GRM7: variants seen among roughly 807,000 people sequenced by gnomAD.
The protein encoded by GRM7 is metabotropic glutamate receptor 7.
A neutral mutation model predicts 84.5 loss-of-function variants in GRM7; 35 were observed. The ratio of observed to expected loss-of-function variants is 0.41; its 90% CI spans 0.32 to 0.55. The LOEUF (loss-of-function observed/expected upper bound fraction) is 0.55, where lower values mean the gene tolerates loss of function less well. Among genes scored for constraint, GRM7 ranks in the 20% least tolerant of loss-of-function variants. The pLI, the probability that GRM7 is intolerant of heterozygous loss-of-function variation, is 0.19. For missense variants in GRM7, 1,003 were observed against 1,194.6 expected (o/e 0.84, Z 2.36); for synonymous variants, 487 against 455.1 (o/e 1.07, Z -0.89).
At chr3:7,525,057 T>C (rs1700738055) in intron 7 of GRM7, among the ~76,000 whole-genome samples, 1 of 150,910 alleles carries the variant, frequency 6.6e-6, no homozygotes, top group Non-Finnish European at 1.5e-5. Context: ...TAGATGGGAA[T>C]TGAACAATGA....
At chr3:7,158,451 C>G (rs1694522748) in intron 2 of GRM7, among the ~76,000 whole-genome samples, 1 of 152,098 alleles carries the variant, frequency 6.6e-6, no homozygotes, top group African/African-American at 2.4e-5. Context: ...GCCTGGTAAA[C>G]CCTCCCCTTA....
At chr3:7,171,121 T>A (rs538273078) in intron 2 of GRM7, among the ~76,000 whole-genome samples, 1 of 152,290 alleles carries the variant, frequency 6.6e-6, no homozygotes, top group Admixed American at 6.5e-5. Context: ...TGGACTCACA[T>A]TCCTGAAGTC....
intron 9 of GRM7, among the ~76,000 whole-genome samples, chr3:7,710,073 T>C (rs555804672): frequency 6.6e-6 from 1 of 152,286 alleles, no homozygotes; most frequent in East Asian, 1.9e-4. Flanking sequence ...GTACTATGCA[T>C]AAGTATGTAT....
At chr3:7,422,834 G>C (rs1405215936) in intron 5 of GRM7, among the ~76,000 whole-genome samples, 1 of 151,966 alleles carries the variant, frequency 6.6e-6, no homozygotes, top group Non-Finnish European at 1.5e-5. Flanking sequence ...AAACTACCAT[G>C]GTTAGAAAAT....
intron 7 of GRM7, among the ~76,000 whole-genome samples, chr3:7,519,006 G>T (rs1009603483): frequency 3.3e-5 from 5 of 152,134 alleles, no homozygotes; most frequent in African/African-American, 1.2e-4. Flanking sequence ...CACAAGAACT[G>T]TGACAATGAG....
chr3:7,488,635 A>G (rs1434003976), intron 7 of GRM7, among the ~76,000 whole-genome samples: 1 of 152,190 alleles, frequency 6.6e-6, no homozygotes, highest in East Asian at 1.9e-4. Context: ...CCAACAGGCA[A>G]GCAGATGCTG....
intron 8 of GRM7, among the ~76,000 whole-genome samples, chr3:7,634,666 C>T (rs766640387): frequency 1.3e-3 from 194 of 151,648 alleles, no homozygotes; most frequent in Non-Finnish European, 2.0e-3. Flanking sequence ...TGGCGGTGTG[C>T]GCCTGTAGTC....
chr3:7,207,341 G>T lies in GRM7; in HGVS notation c.736+60673G>T, dbSNP rs368453511. Among the ~76,000 whole-genome samples, 41 of 152,274 alleles carry T rather than the reference G, an allele frequency of 2.7e-4. No individual in the cohort carries two copies. In the East Asian group the frequency reaches 5.0e-3, roughly 19 times the overall value. ...CTTCTGCATCAGGAGCTTGCAAAGT[G>T]GCCCGGATGCCTCTCAAAAATGACT... On this transcript the variant is annotated intron_variant, in intron 2 of 9. Coordinates refer to ENST00000357716, the MANE Select transcript of GRM7 (RefSeq NM_000844.4).
At chr3:7,571,513 C>A (rs1694656528) in intron 7 of GRM7, among the ~76,000 whole-genome samples, 1 of 151,748 alleles carries the variant, frequency 6.6e-6, no homozygotes, top group Non-Finnish European at 1.5e-5. Flanking sequence ...GCTCCAGTTC[C>A]CAACAAGTTC....
chr3:6,898,479 G>GA lies in GRM7; in HGVS notation c.519+36574dup, dbSNP rs1696269713. 2.0e-5 allele frequency among the ~76,000 whole-genome samples: 3 copies of GA among 151,098 alleles called. No individual in the cohort carries two copies. In the South Asian group the frequency reaches 6.3e-4, roughly 32 times the overall value. On this transcript the variant is annotated intron_variant, in intron 1 of 9. Coordinates refer to ENST00000357716, the MANE Select transcript of GRM7 (RefSeq NM_000844.4). ...TTCTGTGTGTGACTGAGCAGAAATG[G>GA]AACAGGCAGAGGCTGGAAGTTAAGA...
chr3:7,468,547 G>T (rs192502841), intron 7 of GRM7, among the ~76,000 whole-genome samples: 8 of 152,066 alleles, frequency 5.3e-5, no homozygotes, highest in Non-Finnish European at 1.2e-4. Flanking sequence ...AATGTTAGCC[G>T]CAACAGCAAC....
At chr3:7,088,772 A>T (rs1474581759) in intron 1 of GRM7, among the ~76,000 whole-genome samples, 1 of 149,322 alleles carries the variant, frequency 6.7e-6, no homozygotes, top group East Asian at 2.0e-4. Flanking sequence ...CCACCTCTTG[A>T]CCCAAAGATT....
chr3:7,500,504 C>T (rs924222730), intron 7 of GRM7, among the ~76,000 whole-genome samples: 10 of 152,212 alleles, frequency 6.6e-5, no homozygotes, highest in African/African-American at 2.4e-4. Context: ...AGCATTGAAC[C>T]TGACCTTATC....
intron 4 of GRM7, among the ~76,000 whole-genome samples, chr3:7,312,011 A>T (rs1049287783): frequency 3.3e-5 from 5 of 152,150 alleles, no homozygotes; most frequent in Non-Finnish European, 5.9e-5. Flanking sequence ...CTCCTCTATC[A>T]TTAACCAATA....
chr3:7,135,063 T>C (rs1410001187), intron 1 of GRM7, among the ~76,000 whole-genome samples: 3 of 152,194 alleles, frequency 2.0e-5, no homozygotes, highest in Non-Finnish European at 2.9e-5. Flanking sequence ...CAATAATTGA[T>C]GATAACTTCC....
At chr3:7,354,540 G>T (rs759069037) in intron 4 of GRM7, among the ~76,000 whole-genome samples, 1 of 152,092 alleles carries the variant, frequency 6.6e-6, no homozygotes, top group Non-Finnish European at 1.5e-5. Context: ...TAGGAAAATC[G>T]TAAGACAGAA....
At chr3:7,645,578 A>G (rs1417904852) in intron 8 of GRM7, among the ~76,000 whole-genome samples, 1 of 151,066 alleles carries the variant, frequency 6.6e-6, no homozygotes, top group Non-Finnish European at 1.5e-5. Flanking sequence ...AAAAGAAAAG[A>G]AAAAAGCCTA....
At chr3:7,553,640 A>C (rs1693607159) in intron 7 of GRM7, among the ~76,000 whole-genome samples, 1 of 152,180 alleles carries the variant, frequency 6.6e-6, no homozygotes, top group Admixed American at 6.5e-5. Context: ...AAGGTGTCAG[A>C]AAGGAAAAGT....
At chr3:7,004,032 T>C (rs1695099975) in intron 1 of GRM7, among the ~76,000 whole-genome samples, 1 of 152,156 alleles carries the variant, frequency 6.6e-6, no homozygotes, top group Middle Eastern at 3.2e-3. Context: ...ATAGGGAAGC[T>C]TGAGTGTTTT....
Sources: allele counts gnomAD v4.1 joint callset (sites outside exome capture counted in the v4.1 genomes callset), GRCh38; gene constraint gnomAD v4.1.1; transcripts MANE v1.5; gene names NCBI Gene and HGNC (gene_info 2026-07-23, HGNC 2026-07-21).